COBLL1: variants seen among roughly 807,000 people sequenced by gnomAD.
COBLL1 encodes the protein cordon-bleu protein-like 1.
A neutral mutation model predicts 94.8 loss-of-function variants in COBLL1; 50 were observed. The ratio of observed to expected loss-of-function variants is 0.53; its 90% CI spans 0.42 to 0.67. COBLL1 has a LOEUF of 0.67. Ranked by LOEUF, COBLL1 falls within the 30% of genes least tolerant of loss-of-function variation. The pLI is 0.00. For synonymous variants in COBLL1, 448 were observed against 473.8 expected (o/e 0.95, Z 0.71); for missense variants, 1,362 against 1,348.7 (o/e 1.01, Z -0.15).
At chr2:164,837,395 T>C in intron 2 of COBLL1, 1 of 440,252 alleles carries the variant, frequency 2.3e-6, no homozygotes, top group Non-Finnish European at 4.6e-6. Flanking sequence ...ATAAATTTAC[T>C]AATTGGATAT....
chr2:164,691,042 T>C lies in COBLL1; in HGVS notation c.3300+1179A>G, dbSNP rs548198939. Among the ~76,000 whole-genome samples the C allele has an allele frequency of 3.2e-4, 49 of 152,272 alleles. No homozygotes were observed. In the South Asian group the frequency reaches 3.7e-3, roughly 12 times the overall value. ...CTAAAATCAGACTCTACAAATAATTTACAAAATTCAAATCTAATCCACTGT... is the reference window on the plus strand; with the variant it reads ...CTAAAATCAGACTCTACAAATAATTCACAAAATTCAAATCTAATCCACTGT... On this transcript the variant is annotated intron_variant, in intron 13 of 13. Transcript: ENST00000652658.
At chr2:164,775,742 C>T (rs536095991) in intron 2 of COBLL1, among the ~76,000 whole-genome samples, 13 of 152,298 alleles carry the variant, frequency 8.5e-5, no homozygotes, top group East Asian at 1.9e-4. Flanking sequence ...GCGTGAGCCA[C>T]GGCACCTGGC....
At chr2:164,775,650 A>T (rs550935274) in intron 2 of COBLL1, among the ~76,000 whole-genome samples, 1 of 152,062 alleles carries the variant, frequency 6.6e-6, no homozygotes, top group Non-Finnish European at 1.5e-5. Context: ...TTTAGTAGAG[A>T]CAGGGTTTCA....
chr2:164,773,853 T>C (rs1287538365), intron 2 of COBLL1: 2 of 589,478 alleles, frequency 3.4e-6, no homozygotes, highest in Non-Finnish European at 4.7e-6. Flanking sequence ...CTCTGGCAAA[T>C]ATGTAAAAGA....
chr2:164,673,431 T>G (rs539065679), intron 1 of COBLL1, among the ~76,000 whole-genome samples: 151 of 152,182 alleles, frequency 9.9e-4, no homozygotes, highest in African/African-American at 3.4e-3. Context: ...TCCCAGCACT[T>G]TGGGAGGCTG....
intron 2 of COBLL1, among the ~76,000 whole-genome samples, chr2:164,755,290 C>G (rs1327227508): frequency 6.6e-6 from 1 of 152,138 alleles, no homozygotes; most frequent in Non-Finnish European, 1.5e-5. Flanking sequence ...GAGTGAAATA[C>G]CCCAGGGTAC....
At chr2:164,713,184 A>G (rs1442630084) in intron 7 of COBLL1, among the ~76,000 whole-genome samples, 1 of 152,084 alleles carries the variant, frequency 6.6e-6, no homozygotes, top group Non-Finnish European at 1.5e-5. Context: ...TCTCTATATA[A>G]ACCTGTTTTA....
chr2:164,818,991 G>A (rs1469078327), intron 2 of COBLL1, among the ~76,000 whole-genome samples: 1 of 151,230 alleles, frequency 6.6e-6, no homozygotes, highest in Admixed American at 6.6e-5. Flanking sequence ...GACTGATCTT[G>A]AACTTGTGGC....
intron 2 of COBLL1, among the ~76,000 whole-genome samples, chr2:164,753,920 A>G (rs1574524163): frequency 6.6e-6 from 1 of 151,768 alleles, no homozygotes; most frequent in Non-Finnish European, 1.5e-5. Context: ...TTTTGTAGAG[A>G]CAGGGTCGCA....
chr2:164,710,005 C>A (rs1199069301), intron 7 of COBLL1, among the ~76,000 whole-genome samples: 1 of 151,920 alleles, frequency 6.6e-6, no homozygotes, highest in African/African-American at 2.4e-5. Context: ...GAGTAATATT[C>A]ATATTAACAT....
At chr2:164,791,039 T>C (rs773703793) in intron 2 of COBLL1, among the ~76,000 whole-genome samples, 2 of 152,234 alleles carry the variant, frequency 1.3e-5, no homozygotes, top group African/African-American at 4.8e-5. Context: ...TGAAAAGTTA[T>C]GTATATAAAT....
At chr2:164,746,802 A>G (rs900225857) in intron 2 of COBLL1, among the ~76,000 whole-genome samples, 6 of 151,932 alleles carry the variant, frequency 3.9e-5, no homozygotes, top group East Asian at 1.9e-4. Context: ...CTGCATTCCA[A>G]TCTCAGGACT....
intron 10 of COBLL1, among the ~76,000 whole-genome samples, chr2:164,699,943 A>G (rs1684161897): frequency 6.6e-6 from 1 of 152,032 alleles, no homozygotes; most frequent in Non-Finnish European, 1.5e-5. Context: ...AGACAATCTC[A>G]TGCAAATTAT....
intron 2 of COBLL1, among the ~76,000 whole-genome samples, chr2:164,805,985 T>G (rs1346791305): frequency 1.3e-5 from 2 of 152,198 alleles, no homozygotes; most frequent in African/African-American, 2.4e-5. Flanking sequence ...TCTCCAGCAT[T>G]TGGTGTCGTC....
chr2:164,825,587 A>G (rs1409714437), intron 2 of COBLL1, among the ~76,000 whole-genome samples: 2 of 152,238 alleles, frequency 1.3e-5, no homozygotes, highest in African/African-American at 4.8e-5. Flanking sequence ...TAAAGTTTCT[A>G]TATTACAACA....
chr2:164,837,820 AT>A (rs1285026138), intron 2 of COBLL1, among the ~76,000 whole-genome samples: 4 of 152,194 alleles, frequency 2.6e-5, no homozygotes, highest in African/African-American at 9.6e-5. Flanking sequence ...CTCATAACGA[AT>A]TCCAAAAAGA....
intron 2 of COBLL1, among the ~76,000 whole-genome samples, chr2:164,818,973 G>A (rs1228683269): frequency 6.6e-6 from 1 of 151,332 alleles, no homozygotes; most frequent in East Asian, 1.9e-4. Flanking sequence ...GTTTCATCAT[G>A]TTATCCAGAC....
chr2:164,806,402 A>G (rs1166022628), intron 2 of COBLL1, among the ~76,000 whole-genome samples: 1 of 152,206 alleles, frequency 6.6e-6, no homozygotes, highest in Non-Finnish European at 1.5e-5. Context: ...AGTAACAGCA[A>G]TTTAATTTTG....
At chr2:164,835,810 T>C (rs1683294421) in intron 2 of COBLL1, among the ~76,000 whole-genome samples, 1 of 152,164 alleles carries the variant, frequency 6.6e-6, no homozygotes, top group African/African-American at 2.4e-5. Context: ...AAAGTACCAT[T>C]TATACACTAA....
Sources: allele counts gnomAD v4.1 joint callset (sites outside exome capture counted in the v4.1 genomes callset), GRCh38; gene constraint gnomAD v4.1.1; transcripts MANE v1.5; gene names NCBI Gene and HGNC (gene_info 2026-07-23, HGNC 2026-07-21).